ASAP1: variants seen among roughly 807,000 people sequenced by gnomAD.
ASAP1 encodes ArfGAP with SH3 domain, ankyrin repeat and PH domain 1, also known as arf-GAP with SH3 domain, ANK repeat and PH domain-containing protein 1.
ASAP1 carries 43 observed loss-of-function variants against 145.2 expected under a neutral mutation model. The observed-to-expected ratio is 0.30, with a 90% CI of 0.23 to 0.38. The LOEUF (loss-of-function observed/expected upper bound fraction) is 0.38, where lower values mean the gene tolerates loss of function less well. Ranked by LOEUF, ASAP1 falls within the 10% of genes least tolerant of loss-of-function variation. The pLI is 1.00. For synonymous variants in ASAP1, 546 were observed against 515.5 expected (o/e 1.06, Z -0.80); for missense variants, 1,018 against 1,355.3 (o/e 0.75, Z 3.91).
At chr8:130,133,345 G>T (rs1447288615) in intron 15 of ASAP1, among the ~76,000 whole-genome samples, 1 of 152,176 alleles carries the variant, frequency 6.6e-6, no homozygotes, top group Non-Finnish European at 1.5e-5. Context: ...TTGCATACCT[G>T]GTCAGGTGAG....
At position 130,078,993 on chromosome 8, in the gene ASAP1, A is replaced by C. The variant is rs148467980; in HGVS notation, c.2642+909T>G. Among the ~76,000 whole-genome samples, 408 of 152,256 alleles carry C rather than the reference A, an allele frequency of 2.7e-3. 4 individuals are homozygous for C. Among genetic ancestry groups the C allele is most frequent in the African/African-American group, 9.7e-3 (401 of 41,530 alleles). On this transcript the variant is annotated intron_variant, in intron 26 of 29. Transcript: ENST00000518721. ...AGGATTGCTTGAGCCCAGAAGTTCA[A>C]GACCAGCTTGGGCAACATGCTGAGG...
At chr8:130,058,939 G>A (rs2097410962) in intron 28 of ASAP1, among the ~76,000 whole-genome samples, 1 of 152,154 alleles carries the variant, frequency 6.6e-6, no homozygotes, top group Non-Finnish European at 1.5e-5. Flanking sequence ...TGAGAGGCCT[G>A]TAGTGTGTTA....
At position 130,360,283 on chromosome 8, in the gene ASAP1, AGAGT is replaced by A. The variant is rs1370121691; in HGVS notation, c.60-2144_60-2141del. On this transcript the variant is annotated intron_variant, in intron 2 of 29. Coordinates refer to ENST00000518721, the MANE Select transcript of ASAP1 (RefSeq NM_018482.4). ...GTGACATCTTGAGAAAAGAATGACA[AGAGT>A]AAGTCACCCAGATAATCCTGTTGTC... Among the ~76,000 whole-genome samples the A allele has an allele frequency of 2.0e-5, 3 of 152,352 alleles. No individual in the cohort carries two copies. In the East Asian group the frequency reaches 5.8e-4, roughly 29 times the overall value.
chr8:130,399,705 T>C (rs1470771429), intron 2 of ASAP1, among the ~76,000 whole-genome samples: 6 of 152,160 alleles, frequency 3.9e-5, no homozygotes, highest in Non-Finnish European at 7.3e-5. Context: ...GTGCCTACTT[T>C]ATGTAAAACA....
At chr8:130,439,232 G>C (rs1244958871) in intron 1 of ASAP1, among the ~76,000 whole-genome samples, 1 of 152,102 alleles carries the variant, frequency 6.6e-6, no homozygotes, top group Non-Finnish European at 1.5e-5. Context: ...CCTGATACTG[G>C]AAAAGACAAG....
chr8:130,127,589 T>C (rs561309896), intron 16 of ASAP1, among the ~76,000 whole-genome samples: 2 of 152,302 alleles, frequency 1.3e-5, no homozygotes, highest in Admixed American at 6.5e-5. Flanking sequence ...CAGTGTGAGA[T>C]GGTCCAGGCT....
intron 3 of ASAP1, among the ~76,000 whole-genome samples, chr8:130,291,170 GA>G (rs1446238879): frequency 6.6e-6 from 1 of 152,128 alleles, no homozygotes; most frequent in Non-Finnish European, 1.5e-5. Context: ...TATGTAAATG[GA>G]AACATTACAG....
intron 2 of ASAP1, among the ~76,000 whole-genome samples, chr8:130,388,242 G>A (rs1828115611): frequency 6.6e-6 from 1 of 152,198 alleles, no homozygotes; most frequent in African/African-American, 2.4e-5. Flanking sequence ...ACGGGGTGGA[G>A]GCAGAGGAGG....
intron 3 of ASAP1, among the ~76,000 whole-genome samples, chr8:130,343,487 A>G (rs546061288): frequency 6.6e-6 from 1 of 152,364 alleles, no homozygotes; most frequent in East Asian, 1.9e-4. Flanking sequence ...AGAAACTTAA[A>G]TCGAGACCTC....
intron 3 of ASAP1, among the ~76,000 whole-genome samples, chr8:130,301,184 A>C (rs1586787511): frequency 6.6e-6 from 1 of 152,322 alleles, no homozygotes; most frequent in Non-Finnish European, 1.5e-5. Context: ...TGGCTGGCAT[A>C]ACCCATTAGG....
chr8:130,248,928 T>C lies in ASAP1; in HGVS notation c.187-11934A>G, dbSNP rs185716897. Among the ~76,000 whole-genome samples, 121 of 152,278 alleles carry C rather than the reference T, an allele frequency of 7.9e-4. 2 individuals carry two copies. The East Asian group carries it at 0.023, about 29-fold the overall frequency. ...ATTCAATCTCAGCAGCATTTCTTTTTTGTTGCTTTCTATTTTTTAGAAACA... is the reference window on the plus strand; with the variant it reads ...ATTCAATCTCAGCAGCATTTCTTTTCTGTTGCTTTCTATTTTTTAGAAACA... On this transcript the variant is annotated intron_variant, in intron 3 of 29. Coordinates refer to ENST00000518721, the MANE Select transcript of ASAP1 (RefSeq NM_018482.4).
At chr8:130,080,667 CTG>C (rs1175058703) in intron 25 of ASAP1, among the ~76,000 whole-genome samples, 1 of 151,736 alleles carries the variant, frequency 6.6e-6, no homozygotes, top group Non-Finnish European at 1.5e-5. Context: ...GAGTCTCACT[CTG>C]TTGCCTAGAC....
chr8:130,325,190 T>G (rs368006685), intron 3 of ASAP1, among the ~76,000 whole-genome samples: 67 of 152,356 alleles, frequency 4.4e-4, no homozygotes, highest in African/African-American at 1.5e-3. Flanking sequence ...AGTTCACATT[T>G]AACTCTTTCT....
chr8:130,359,438 G>C (rs566270141), intron 2 of ASAP1, among the ~76,000 whole-genome samples: 1 of 141,214 alleles, frequency 7.1e-6, no homozygotes, highest in Non-Finnish European at 1.6e-5. Context: ...TGGTTTAAAA[G>C]AAGAAGAAGA....
chr8:130,185,729 C>CAAAAAAAAAAAAAAAAAAAAA (rs778486303), intron 7 of ASAP1, among the ~76,000 whole-genome samples: 1 of 57,110 alleles, frequency 1.8e-5, no homozygotes, highest in African/African-American at 6.0e-5. Context: ...AACTCCGCCT[C>CAAAAAAAAAAAAAAAAAAAAA]AAAAAAAAAA....
At chr8:130,246,121 T>C (rs544892700) in intron 3 of ASAP1, among the ~76,000 whole-genome samples, 36 of 152,206 alleles carry the variant, frequency 2.4e-4, no homozygotes, top group African/African-American at 8.7e-4. Flanking sequence ...AAGTCCTACA[T>C]GTAACACGGG....
intron 5 of ASAP1, among the ~76,000 whole-genome samples, chr8:130,209,440 C>T: frequency 6.6e-6 from 1 of 151,950 alleles, no homozygotes; most frequent in East Asian, 1.9e-4. Flanking sequence ...TTGACATTTG[C>T]ACTGACAGTG....
At chr8:130,350,953 G>A (rs1175390502) in intron 3 of ASAP1, among the ~76,000 whole-genome samples, 3 of 152,344 alleles carry the variant, frequency 2.0e-5, no homozygotes, top group East Asian at 3.9e-4. Context: ...CCAGGGTGGA[G>A]CTGGAAGCAA....
intron 23 of ASAP1, among the ~76,000 whole-genome samples, chr8:130,113,882 G>C (rs1312956369): frequency 6.6e-6 from 1 of 151,868 alleles, no homozygotes; most frequent in African/African-American, 2.4e-5. Context: ...CCTGGGCTCA[G>C]GTGATTCTCC....
Sources: allele counts gnomAD v4.1 joint callset (sites outside exome capture counted in the v4.1 genomes callset), GRCh38; gene constraint gnomAD v4.1.1; transcripts MANE v1.5; gene names NCBI Gene and HGNC (gene_info 2026-07-23, HGNC 2026-07-21).